Variants in HACD2 observed in about 807,000 individuals in gnomAD.
HACD2 encodes the protein very-long-chain (3R)-3-hydroxyacyl-CoA dehydratase 2.
A neutral mutation model predicts 31.0 loss-of-function variants in HACD2; 15 were observed. That is an observed-to-expected ratio of 0.48 (90% confidence interval 0.32 to 0.75). The LOEUF is 0.75. Ranked by LOEUF, HACD2 falls within the 30% of genes least tolerant of loss-of-function variation. HACD2 has a pLI of 0.03. For synonymous variants in HACD2, 115 were observed against 122.2 expected (o/e 0.94, Z 0.39); for missense variants, 283 against 313.0 (o/e 0.90, Z 0.72).
rs547294828 is a variant in HACD2, at chr3:123,497,465, G to A, written c.683-2495C>T. Among the ~76,000 whole-genome samples the A allele has an allele frequency of 3.4e-3, 518 of 152,272 alleles. 1 individual carries two copies. The highest frequency in any genetic ancestry group is 6.0e-3 in the Non-Finnish European group (409 of 68,026). ...CTCTGGGGAGAGAACTGTGGAGGAC[G>A]ACAGCACCAGATATGCTCTCTGCCT... is the stretch of plus-strand genomic sequence containing the variant. On this transcript the variant is annotated intron_variant, in intron 6 of 6. Coordinates refer to ENST00000383657, the MANE Select transcript of HACD2 (RefSeq NM_198402.5).
chr3:123,567,787 G>GA lies in HACD2; in HGVS notation c.274-8dup. On this transcript the variant is annotated splice_region_variant and splice_polypyrimidine_tract_variant and intron_variant, in intron 2 of 6. Coordinates refer to ENST00000383657, the MANE Select transcript of HACD2 (RefSeq NM_198402.5). ...CTATAGCACAATGTAAAATCTAGAG[G>GA]AAAAAAGGGGAAAAAAGAGGAGAAT... 4.1e-6 allele frequency: 6 copies of GA among 1,474,528 alleles called. No homozygotes were observed. The highest frequency in any genetic ancestry group is 4.0e-5 in the South Asian group (3 of 75,384). 91.3% of individuals were successfully genotyped at this position (1,474,528 alleles called of 1,614,324 possible).
chr3:123,553,149 T>C (rs1043389589), intron 3 of HACD2, among the ~76,000 whole-genome samples: 18 of 152,278 alleles, frequency 1.2e-4, no homozygotes, highest in African/African-American at 2.2e-4. Flanking sequence ...TAAAGCTCAA[T>C]TGAGGCATGT....
At chr3:123,584,258 G>A (rs2056998920) in intron 1 of HACD2, 2 of 152,222 alleles carry the variant, frequency 1.3e-5, no homozygotes, top group Non-Finnish European at 2.9e-5. Context: ...ACCGTTTCGA[G>A]GGTCCATTCT....
intron 4 of HACD2, among the ~76,000 whole-genome samples, chr3:123,524,200 T>C (rs968820489): frequency 6.6e-6 from 1 of 152,222 alleles, no homozygotes. Flanking sequence ...TTAGATCATT[T>C]CTCAAACCTT....
intron 5 of HACD2, among the ~76,000 whole-genome samples, chr3:123,502,005 T>C (rs2055908127): frequency 6.6e-6 from 1 of 152,252 alleles, no homozygotes; most frequent in Non-Finnish European, 1.5e-5. Context: ...CATGGACTCA[T>C]TAAGGTAAGC....
At chr3:123,511,062 T>C (rs1008941750) in intron 4 of HACD2, among the ~76,000 whole-genome samples, 2 of 152,142 alleles carry the variant, frequency 1.3e-5, no homozygotes, top group Non-Finnish European at 2.9e-5. Context: ...TCTTTTCACG[T>C]GCTTATTGGC....
intron 2 of HACD2, among the ~76,000 whole-genome samples, chr3:123,568,773 C>T (rs1332996039): frequency 6.6e-6 from 1 of 152,164 alleles, no homozygotes; most frequent in Non-Finnish European, 1.5e-5. Flanking sequence ...TAGGGCATTT[C>T]AGAATTTTTA....
chr3:123,530,376 C>T (rs2056342793), intron 3 of HACD2, among the ~76,000 whole-genome samples: 1 of 151,866 alleles, frequency 6.6e-6, no homozygotes, highest in African/African-American at 2.4e-5. Context: ...CTCAGCGTCC[C>T]AAGTAGCTGG....
At chr3:123,528,272 G>T in intron 4 of HACD2, 114 bp downstream of exon 4, 1 of 699,708 alleles carries the variant, frequency 1.4e-6, no homozygotes, top group East Asian at 2.5e-5. Context: ...CAGCTATATT[G>T]ACATGACCTG....
At chr3:123,582,559 C>A (rs572957209) in intron 1 of HACD2, among the ~76,000 whole-genome samples, 1 of 152,194 alleles carries the variant, frequency 6.6e-6, no homozygotes, top group Non-Finnish European at 1.5e-5. Context: ...GCACCTCACC[C>A]ATCTGGAGCT....
chr3:123,494,857 T>C lies in HACD2; in HGVS notation c.*31A>G. ...CAGCATTTTTTGATCATTGAAAAGT[T>C]TGTTTTGGTGGGAGGTGCAGAAAGC... On this transcript the variant is annotated 3_prime_UTR_variant, in exon 7 of 7. Coordinates refer to ENST00000383657, the MANE Select transcript of HACD2 (RefSeq NM_198402.5). 7.1e-7 allele frequency: 1 copy of C among 1,408,546 alleles called. No individual in the cohort carries two copies. The allele number at this position is 1,408,546 out of a possible 1,614,324, so 87.3% of individuals were successfully genotyped here.
At chr3:123,581,095 C>T (rs2056961473) in intron 2 of HACD2, among the ~76,000 whole-genome samples, 1 of 152,140 alleles carries the variant, frequency 6.6e-6, no homozygotes, top group African/African-American at 2.4e-5. Flanking sequence ...GCTGGGATTA[C>T]AGGCGTGAGC....
chr3:123,506,391 T>C (rs1490910056), intron 4 of HACD2, among the ~76,000 whole-genome samples: 1 of 152,180 alleles, frequency 6.6e-6, no homozygotes, highest in Non-Finnish European at 1.5e-5. Context: ...AATTGGATGA[T>C]AACTTATATT....
At chr3:123,521,774 A>C (rs560938213) in intron 4 of HACD2, among the ~76,000 whole-genome samples, 1 of 152,306 alleles carries the variant, frequency 6.6e-6, no homozygotes, top group East Asian at 1.9e-4. Context: ...GAACCTATCC[A>C]ACTATTACTT....
At chr3:123,507,625 G>A (rs1265631828) in intron 4 of HACD2, among the ~76,000 whole-genome samples, 14 of 152,044 alleles carry the variant, frequency 9.2e-5, no homozygotes, top group Admixed American at 8.5e-4. Flanking sequence ...AATTATAAAA[G>A]GGCATAAGGT....
intron 3 of HACD2, among the ~76,000 whole-genome samples, chr3:123,558,558 T>C (rs1036125246): frequency 2.0e-5 from 3 of 152,066 alleles, no homozygotes; most frequent in Non-Finnish European, 4.4e-5. Context: ...GCTGTGAACC[T>C]AAAACTGCTC....
intron 2 of HACD2, among the ~76,000 whole-genome samples, chr3:123,574,147 T>G (rs1168001142): frequency 6.6e-6 from 1 of 152,266 alleles, no homozygotes; most frequent in South Asian, 2.1e-4. Context: ...ACATATTTTG[T>G]TTCTCTGTTC....
chr3:123,584,072 G>C (rs1364938621), intron 1 of HACD2, among the ~76,000 whole-genome samples: 4 of 152,204 alleles, frequency 2.6e-5, no homozygotes. Flanking sequence ...GAATTGCAGA[G>C]CTGAAGGAAC....
At chr3:123,505,932 T>C (rs1185142239) in intron 4 of HACD2, among the ~76,000 whole-genome samples, 2 of 152,206 alleles carry the variant, frequency 1.3e-5, no homozygotes, top group African/African-American at 2.4e-5. Flanking sequence ...TGTGTGCTTG[T>C]AGGCCCTGGA....
Sources: allele counts gnomAD v4.1 joint callset (sites outside exome capture counted in the v4.1 genomes callset), GRCh38; gene constraint gnomAD v4.1.1; transcripts MANE v1.5; gene names NCBI Gene and HGNC (gene_info 2026-07-23, HGNC 2026-07-21).